Variants in CDC73 observed in about 807,000 individuals in gnomAD.
CDC73 encodes the protein cell division cycle 73.
Under a neutral mutation model 83.7 loss-of-function variants are expected in CDC73, and 21 were observed. The ratio of observed to expected loss-of-function variants is 0.25; its 90% CI spans 0.18 to 0.36. The LOEUF is 0.36. Ranked by LOEUF, CDC73 falls within the 10% of genes least tolerant of loss-of-function variation. CDC73 has a pLI of 1.00. For missense variants in CDC73, 342 were observed against 653.3 expected, an observed-to-expected ratio of 0.52 and a Z score of 5.19; for synonymous variants, 224 against 212.9, an observed-to-expected ratio of 1.05 and a Z score of -0.45.
chr1:193,222,987 A>G (rs1367198275), intron 13 of CDC73, among the ~76,000 whole-genome samples: 1 of 152,038 alleles, frequency 6.6e-6, no homozygotes, highest in Non-Finnish European at 1.5e-5. Context: ...TCTTAAGCCT[A>G]TCCATTGCAC....
chr1:193,211,623 A>G (rs1032806631), intron 11 of CDC73, among the ~76,000 whole-genome samples: 4 of 152,188 alleles, frequency 2.6e-5, no homozygotes, highest in African/African-American at 9.7e-5. Context: ...AGTGAGGGAG[A>G]TGACTACTGA....
chr1:193,210,565 G>A (rs2102036704), intron 11 of CDC73, among the ~76,000 whole-genome samples: 1 of 152,192 alleles, frequency 6.6e-6, no homozygotes, highest in East Asian at 1.9e-4. Flanking sequence ...ATATTTCTAA[G>A]CATTAAAAGT....
intron 13 of CDC73, among the ~76,000 whole-genome samples, chr1:193,223,570 C>T (rs1398169565): frequency 6.6e-6 from 1 of 152,018 alleles, no homozygotes; most frequent in Non-Finnish European, 1.5e-5. Flanking sequence ...GAGTTTATTT[C>T]TAGTTTACCA....
intron 10 of CDC73, among the ~76,000 whole-genome samples, chr1:193,191,449 G>A (rs1274597987): frequency 2.6e-5 from 4 of 152,118 alleles, no homozygotes; most frequent in Non-Finnish European, 4.4e-5. Flanking sequence ...GTGCAGTGGC[G>A]TGATCTTGGC....
intron 14 of CDC73, 24 bp from the exon 15 acceptor site, chr1:193,236,229 TCCC>T: frequency 7.1e-7 from 1 of 1,412,962 alleles, no homozygotes; most frequent in Non-Finnish European, 1.0e-6. Context: ...GTCCCCTACC[TCCC>T]CCCACCCACT....
At chr1:193,156,102 A>G (rs1167048197) in intron 10 of CDC73, among the ~76,000 whole-genome samples, 1 of 152,202 alleles carries the variant, frequency 6.6e-6, no homozygotes, top group African/African-American at 2.4e-5. Flanking sequence ...AGTTTATTGT[A>G]TAGTAAATAA....
At chr1:193,176,427 G>T (rs1030048051) in intron 10 of CDC73, among the ~76,000 whole-genome samples, 1 of 152,166 alleles carries the variant, frequency 6.6e-6, no homozygotes, top group African/African-American at 2.4e-5. Context: ...GTTGTCCTTG[G>T]ATCCATTTGC....
chr1:193,249,652 A>G (rs745726686), intron 15 of CDC73, 78 bp from the exon 16 acceptor site: 2 of 1,069,394 alleles, frequency 1.9e-6, no homozygotes, highest in Admixed American at 3.6e-5. Context: ...ATACGGCTTC[A>G]GTTGGTGGAA....
chr1:193,154,165 C>T (rs898240729), intron 10 of CDC73, among the ~76,000 whole-genome samples: 4 of 152,150 alleles, frequency 2.6e-5, no homozygotes, highest in South Asian at 2.1e-4. Context: ...AGAACTTGCC[C>T]GCTGATCATT....
intron 10 of CDC73, among the ~76,000 whole-genome samples, chr1:193,172,991 T>A (rs1490081153): frequency 6.6e-6 from 1 of 152,126 alleles, no homozygotes; most frequent in Non-Finnish European, 1.5e-5. Flanking sequence ...CTATAGCAAG[T>A]TTTAGGGATT....
chr1:193,177,729 C>G (rs1409416565), intron 10 of CDC73, among the ~76,000 whole-genome samples: 2 of 152,072 alleles, frequency 1.3e-5, no homozygotes, highest in Non-Finnish European at 2.9e-5. Flanking sequence ...ATAGTTTCTA[C>G]TGCTGTTACT....
At chr1:193,183,702 G>A (rs989537991) in intron 10 of CDC73, among the ~76,000 whole-genome samples, 2 of 151,678 alleles carry the variant, frequency 1.3e-5, no homozygotes, top group Non-Finnish European at 3.0e-5. Flanking sequence ...AAGGATATCA[G>A]TAGATATAAG....
intron 11 of CDC73, among the ~76,000 whole-genome samples, chr1:193,210,543 T>G (rs1299543029): frequency 6.6e-6 from 1 of 152,214 alleles, no homozygotes; most frequent in African/African-American, 2.4e-5. Context: ...ATTATTACCA[T>G]TATGTCAACA....
intron 14 of CDC73, among the ~76,000 whole-genome samples, chr1:193,234,557 A>G (rs1394018169): frequency 6.6e-6 from 1 of 151,748 alleles, no homozygotes; most frequent in Non-Finnish European, 1.5e-5. Context: ...GCTTGTGTGT[A>G]TTAGTTAGGG....
rs527562986 is a variant in CDC73, at chr1:193,208,077, C to T, written c.1031-3988C>T. ...TCCCCAAGGTCTCTTACTCTATAGT[C>T]TTCTGCTTTTTCATAGAGTGACACC... On this transcript the variant is annotated intron_variant, in intron 11 of 16. Coordinates refer to ENST00000367435, the MANE Select transcript of CDC73 (RefSeq NM_024529.5). 4.6e-5 allele frequency among the ~76,000 whole-genome samples: 7 copies of T among 152,292 alleles called. No individual in the cohort carries two copies. In the South Asian group the frequency reaches 6.2e-4, roughly 14 times the overall value.
chr1:193,135,004 G>T (rs967702146), intron 3 of CDC73, among the ~76,000 whole-genome samples: 7 of 151,852 alleles, frequency 4.6e-5, no homozygotes, highest in Admixed American at 3.9e-4. Flanking sequence ...CATGTTTAGG[G>T]TGAATGCTAA....
intron 14 of CDC73, among the ~76,000 whole-genome samples, chr1:193,234,599 C>T (rs1677726508): frequency 6.6e-6 from 1 of 151,868 alleles, no homozygotes; most frequent in Non-Finnish European, 1.5e-5. Context: ...AGCATTTTCC[C>T]TACTTCCTTA....
chr1:193,229,317 T>A (rs902626162), intron 13 of CDC73, among the ~76,000 whole-genome samples: 5 of 152,252 alleles, frequency 3.3e-5, no homozygotes, highest in African/African-American at 1.2e-4. Flanking sequence ...ACTACCCTGC[T>A]GTATACTGAA....
intron 10 of CDC73, among the ~76,000 whole-genome samples, chr1:193,198,325 T>C (rs1260926632): frequency 6.6e-6 from 1 of 152,222 alleles, no homozygotes; most frequent in African/African-American, 2.4e-5. Flanking sequence ...TAGGACCATT[T>C]GGAAAGTGAT....
Sources: allele counts gnomAD v4.1 joint callset (sites outside exome capture counted in the v4.1 genomes callset), GRCh38; gene constraint gnomAD v4.1.1; transcripts MANE v1.5; gene names NCBI Gene and HGNC (gene_info 2026-07-23, HGNC 2026-07-21).